MCF2L: variants seen among roughly 807,000 people sequenced by gnomAD.
The protein encoded by MCF2L is MCF.2 cell line derived transforming sequence like.
Under a neutral mutation model 153.4 loss-of-function variants are expected in MCF2L, and 97 were observed. That is an observed-to-expected ratio of 0.63 (90% CI 0.54 to 0.75). The LOEUF is 0.75. Among genes scored for constraint, MCF2L ranks in the 30% least tolerant of loss-of-function variants. MCF2L has a pLI of 0.00. For synonymous variants in MCF2L, 659 were observed against 632.2 expected (o/e 1.04, Z -0.64); for missense variants, 1,347 against 1,495.2 (o/e 0.90, Z 1.64).
chr13:112,980,455 C>T (rs1032930808), intron 1 of MCF2L, among the ~76,000 whole-genome samples: 8 of 152,228 alleles, frequency 5.3e-5, no homozygotes, highest in African/African-American at 9.6e-5. Flanking sequence ...TGGCTCCCCA[C>T]GGAGTTTGGG....
Position 113,024,669 on chromosome 13 carries a change from G to C in MCF2L, c.189G>C (p.Pro63=). 6.2e-7 allele frequency: 1 copy of C among 1,614,086 alleles called. No homozygotes were observed. The highest frequency in any genetic ancestry group is 8.5e-7 in the Non-Finnish European group (1 of 1,179,994). ...GTGGGCGGGGGCAGGACGGAAGCCC[G>C]GTTATCACCTTCCCTGACTACCCGG... is the stretch of plus-strand genomic sequence containing the variant. The part of the protein sequence containing the change: ...LSGGRGQDGS[P]VITFPDYPAF... Residue 63 remains proline (P), a synonymous_variant, in exon 3 of 30, where the codon CCG becomes CCC. Transcript: ENST00000535094.
At chr13:112,930,140 G>C (rs1266496298) in intron 2 of MCF2L, among the ~76,000 whole-genome samples, 1 of 152,144 alleles carries the variant, frequency 6.6e-6, no homozygotes, top group Non-Finnish European at 1.5e-5. Flanking sequence ...CAGTATGGCC[G>C]TTACTTCCAA....
chr13:113,016,090 C>T (rs1020074495), intron 2 of MCF2L, among the ~76,000 whole-genome samples: 12 of 152,198 alleles, frequency 7.9e-5, no homozygotes, highest in African/African-American at 1.4e-4. Flanking sequence ...AGTCCCAGGA[C>T]GGCCCCAGCC....
chr13:112,923,257 C>CTTTTTTT lies in MCF2L; in HGVS notation c.169+20904_169+20910dup, dbSNP rs57030206. On this transcript the variant is annotated intron_variant, in intron 2 of 29. Transcript: ENST00000375608. ...TCTCCATGAACTTCAGTGTTTGCTT[C>CTTTTTTT]TTTTTTTTTTTTTTTTTTTTTTTTG... Among the ~76,000 whole-genome samples the CTTTTTTT allele has an allele frequency of 2.2e-3, 172 of 78,482 alleles. 4 individuals carry two copies. The highest frequency in any genetic ancestry group is 4.4e-3 in the African/African-American group (85 of 19,210). The allele number at this position is 78,482 out of a possible 152,430, so 51.5% of individuals were successfully genotyped here. A position where few individuals can be genotyped will look rare whatever the true frequency, so the allele number is the denominator to read the frequency against.
At position 112,904,746 on chromosome 13, in the gene MCF2L, C is replaced by G. The variant is rs776771344; in HGVS notation, c.169+2375C>G. ...AAAGAGAAGCGCACGGCGTGGACTG[C>G]GGCCTGCGGGAGAACCGCACTCGGC... On this transcript the variant is annotated intron_variant, in intron 2 of 29. Transcript: ENST00000375608. The surrounding 1 kb of genome is among the most constrained non-coding windows in gnomAD (Gnocchi z 4.2). Among the ~76,000 whole-genome samples the G allele has an allele frequency of 1.2e-4, 19 of 152,236 alleles. No individual in the cohort carries two copies. The highest frequency in any genetic ancestry group is 7.3e-5 in the Non-Finnish European group (5 of 68,040).
chr13:113,004,855 A>G (rs2083583992), intron 1 of MCF2L, among the ~76,000 whole-genome samples: 1 of 152,230 alleles, frequency 6.6e-6, no homozygotes, highest in South Asian at 2.1e-4. Flanking sequence ...CCTTACGAAG[A>G]CAAGTTTGCG....
chr13:113,067,274 G>C (rs1220386021), intron 8 of MCF2L, among the ~76,000 whole-genome samples: 1 of 112,140 alleles, frequency 8.9e-6, no homozygotes, highest in South Asian at 3.1e-4. Flanking sequence ...TCCCAGCTAC[G>C]CGGAGGCAGA....
intron 3 of MCF2L, chr13:113,026,933 G>A: frequency 1.3e-6 from 1 of 775,524 alleles, no homozygotes; most frequent in South Asian, 1.4e-5. Flanking sequence ...GTGCCGCGGG[G>A]GTCTCTCATC....
At chr13:113,082,822 T>C (rs1490678152) in intron 17 of MCF2L, among the ~76,000 whole-genome samples, 1 of 152,136 alleles carries the variant, frequency 6.6e-6, no homozygotes, top group Non-Finnish European at 1.5e-5. Context: ...GCGCCCTGTT[T>C]TGTGGTGCAG....
chr13:113,058,737 G>A (rs549117673), intron 4 of MCF2L, among the ~76,000 whole-genome samples: 1,481 of 54,868 alleles, frequency 0.027, 36 homozygotes, highest in Non-Finnish European at 0.045. Context: ...CTGTGTGGGC[G>A]CTGAGTGGGC....
rs200425355 is a variant in MCF2L, at chr13:113,064,909, T to G, written c.607-27T>G. The G allele has an allele frequency of 1.2e-6, 2 of 1,602,692 alleles. No homozygotes were observed. Among genetic ancestry groups the G allele is most frequent in the East Asian group, 4.5e-5 (2 of 44,754 alleles). ...GGAGGTGGGTGCAGTGCACAAGGCA[T>G]GCAATTGTGTTTTCTCTGTCCCCAA... On this transcript the variant is annotated intron_variant, in intron 6 of 29. Coordinates refer to ENST00000535094, the MANE Select transcript of MCF2L (RefSeq NM_001112732.3). This position sits in a 1 kb window ranked among gnomAD's most constrained non-coding sequence, Gnocchi z 6.0.
At chr13:112,931,986 CAA>C (rs1479375664) in intron 2 of MCF2L, among the ~76,000 whole-genome samples, 4 of 152,202 alleles carry the variant, frequency 2.6e-5, no homozygotes, top group Admixed American at 6.5e-5. Flanking sequence ...TGACTGGAGA[CAA>C]GAGATAAGTC....
At chr13:112,912,148 C>G (rs563753392) in intron 2 of MCF2L, among the ~76,000 whole-genome samples, 13 of 152,260 alleles carry the variant, frequency 8.5e-5, no homozygotes, top group African/African-American at 3.1e-4. Context: ...ACATGTGTCT[C>G]TGTCCCCTGT....
chr13:113,014,100 C>A (rs867627152), intron 1 of MCF2L, among the ~76,000 whole-genome samples: 53 of 152,242 alleles, frequency 3.5e-4, no homozygotes, highest in African/African-American at 1.2e-3. Context: ...TGGCCCCATG[C>A]TCCCCCCGTG....
rs114370999 is a variant in MCF2L, at chr13:113,047,745, G to A, written c.369+2384G>A. On this transcript the variant is annotated intron_variant, in intron 4 of 29. Coordinates refer to ENST00000535094, the MANE Select transcript of MCF2L (RefSeq NM_001112732.3). ...ACCTGCCACAGCCCGTCCCTCACAC[G>A]GCTCATGCCTCACTACATGTGCCCC... 7.2e-3 allele frequency among the ~76,000 whole-genome samples: 1,100 copies of A among 152,288 alleles called. 13 individuals carry two copies. Among genetic ancestry groups the A allele is most frequent in the African/African-American group, 0.024 (987 of 41,564 alleles).
At chr13:113,093,023 T>G (rs558782511) in intron 26 of MCF2L, among the ~76,000 whole-genome samples, 1 of 151,480 alleles carries the variant, frequency 6.6e-6, no homozygotes, top group East Asian at 2.0e-4. Flanking sequence ...GCAGCCCCCC[T>G]TTTTTTGTTC....
chr13:113,058,258 G>A (rs1277144974), intron 4 of MCF2L, among the ~76,000 whole-genome samples: 2 of 151,176 alleles, frequency 1.3e-5, no homozygotes, highest in African/African-American at 4.9e-5. Flanking sequence ...TGTGGGCGCT[G>A]AGTGGGCATT....
chr13:112,994,661 C>T (rs574262915), intron 1 of MCF2L, among the ~76,000 whole-genome samples: 1 of 152,358 alleles, frequency 6.6e-6, no homozygotes, highest in East Asian at 1.9e-4. Flanking sequence ...TGAGGCCGCG[C>T]GATGTCCTTC....
In MCF2L at chr13:113,045,447, A is replaced by G. The variant is rs1216209546; in HGVS notation, c.369+86A>G. The G allele has an allele frequency of 1.6e-5, 19 of 1,191,876 alleles. No homozygotes were observed. The highest frequency in any genetic ancestry group is 2.2e-5 in the Non-Finnish European group (18 of 810,106). The allele number at this position is 1,191,876 out of a possible 1,614,324, so 73.8% of individuals were successfully genotyped here. ...GGTGCCCTTCCTCTGTGTCTGCCGC[A>G]GTTCCTGCTTTGTGCTGAGTGGGAC... On this transcript the variant is annotated intron_variant, in intron 4 of 29. Coordinates refer to ENST00000535094, the MANE Select transcript of MCF2L (RefSeq NM_001112732.3). The surrounding 1 kb of genome is among the most constrained non-coding windows in gnomAD (Gnocchi z 4.2).
Sources: allele counts gnomAD v4.1 joint callset (sites outside exome capture counted in the v4.1 genomes callset), GRCh38; gene constraint gnomAD v4.1.1; non-coding constraint Gnocchi (gnomAD v3.1); transcripts MANE v1.5; gene names NCBI Gene and HGNC (gene_info 2026-07-23, HGNC 2026-07-21).